The following SYNJ2 variants were observed in gnomAD, a reference collection of about 807,000 sequenced individuals.
The protein encoded by SYNJ2 is polyphosphatidylinositol phosphatase SYNJ2.
A neutral mutation model predicts 141.3 loss-of-function variants in SYNJ2; 116 were observed. The ratio of observed to expected loss-of-function variants is 0.82; its 90% CI spans 0.71 to 0.96. The LOEUF (loss-of-function observed/expected upper bound fraction) is 0.96, where lower values mean the gene tolerates loss of function less well. Among genes scored for constraint, SYNJ2 ranks in the 40% least tolerant of loss-of-function variants. The pLI, the probability that SYNJ2 is intolerant of heterozygous loss-of-function variation, is 0.00. For missense variants in SYNJ2, 1,873 were observed against 1,934.8 expected, an observed-to-expected ratio of 0.97 and a Z score of 0.60; for synonymous variants, 745 against 777.7, an observed-to-expected ratio of 0.96 and a Z score of 0.70.
intron 1 of SYNJ2, among the ~76,000 whole-genome samples, chr6:157,990,708 C>T (rs1391229998): frequency 1.3e-5 from 2 of 152,240 alleles, no homozygotes; most frequent in Non-Finnish European, 2.9e-5. Context: ...GTTTCTCACC[C>T]CTGCTGCTGG....
In SYNJ2 at chr6:157,982,128, G is replaced by A; in HGVS notation, c.127+40G>A. The A allele has an allele frequency of 7.8e-7, 1 of 1,286,272 alleles. No individual in the cohort carries two copies. The highest frequency in any genetic ancestry group is 9.8e-7 in the Non-Finnish European group (1 of 1,015,878). 79.7% of individuals were successfully genotyped at this position (1,286,272 alleles called of 1,614,324 possible). A position where few individuals can be genotyped will look rare whatever the true frequency, so the allele number is the denominator to read the frequency against. The stretch of plus-strand genomic sequence containing the variant: ...GGGGCAGCGACGCCCGGAGGAGAGG[G>A]CGCCCGCATTCGCCCAGCCTCGGGA... On this transcript the variant is annotated intron_variant, in intron 1 of 26. Coordinates refer to ENST00000355585, the MANE Select transcript of SYNJ2 (RefSeq NM_003898.4). The surrounding 1 kb of genome is among the most constrained non-coding windows in gnomAD (Gnocchi z 4.0).
At chr6:158,017,140 G>A (rs1778493879) in intron 1 of SYNJ2, 64 bp from the exon 2 acceptor site, 3 of 1,566,606 alleles carry the variant, frequency 1.9e-6, no homozygotes, top group South Asian at 1.2e-5. Context: ...CAAGCCGGGT[G>A]TGAATGAACA....
intron 1 of SYNJ2, among the ~76,000 whole-genome samples, chr6:158,003,360 G>C (rs930364600): frequency 3.3e-5 from 5 of 152,198 alleles, no homozygotes; most frequent in African/African-American, 1.2e-4. Context: ...TTAGCAACCA[G>C]CTGCAGCCTT....
At chr6:158,063,180 C>A (rs1781329509) in intron 8 of SYNJ2, among the ~76,000 whole-genome samples, 1 of 152,112 alleles carries the variant, frequency 6.6e-6, no homozygotes, top group African/African-American at 2.4e-5. Context: ...GTGTTCATGT[C>A]CAATTCAGTG....
intron 2 of SYNJ2, among the ~76,000 whole-genome samples, chr6:158,020,794 C>A (rs984265129): frequency 6.6e-6 from 1 of 152,226 alleles, no homozygotes; most frequent in Non-Finnish European, 1.5e-5. Context: ...AGCATCTCTG[C>A]GCAAAGAAAG....
At chr6:158,034,061 G>A (rs1008733520) in intron 4 of SYNJ2, among the ~76,000 whole-genome samples, 1 of 152,118 alleles carries the variant, frequency 6.6e-6, no homozygotes. Context: ...TACAATGGGG[G>A]GATGAAAGAA....
chr6:158,020,519 A>G (rs542510298), intron 2 of SYNJ2, among the ~76,000 whole-genome samples: 2 of 147,622 alleles, frequency 1.4e-5, no homozygotes, highest in Non-Finnish European at 3.0e-5. Context: ...TGTGACTCCA[A>G]CTGTGTACTG....
intron 1 of SYNJ2, among the ~76,000 whole-genome samples, chr6:158,003,276 G>A (rs1250181140): frequency 6.6e-6 from 1 of 152,214 alleles, no homozygotes; most frequent in Non-Finnish European, 1.5e-5. Context: ...TTAGCGGGCT[G>A]ATGTGTGTCT....
At chr6:158,017,156 G>A (rs1778494760) in intron 1 of SYNJ2, 48 bp from the exon 2 acceptor site, 2 of 1,601,364 alleles carry the variant, frequency 1.2e-6, no homozygotes, top group African/African-American at 1.3e-5. Context: ...GAACAGGAAT[G>A]AGCAGGAGAC....
At chr6:158,031,499 A>G (rs1329756255) in intron 3 of SYNJ2, among the ~76,000 whole-genome samples, 1 of 152,232 alleles carries the variant, frequency 6.6e-6, no homozygotes, top group African/African-American at 2.4e-5. Context: ...CCTCAGCTGT[A>G]ACACGCCAGG....
At chr6:158,052,425 A>G (rs1029686017) in intron 5 of SYNJ2, among the ~76,000 whole-genome samples, 28 of 152,224 alleles carry the variant, frequency 1.8e-4, no homozygotes, top group African/African-American at 6.5e-4. Flanking sequence ...GAGGCTGGGT[A>G]ATTTATAAAG....
intron 1 of SYNJ2, among the ~76,000 whole-genome samples, chr6:158,010,101 G>T (rs527403274): frequency 2.3e-4 from 35 of 152,174 alleles, no homozygotes; most frequent in African/African-American, 8.2e-4. Context: ...AAGAATTTTT[G>T]TAGGGATGGA....
chr6:158,033,877 CCTTT>C (rs1404129574), intron 4 of SYNJ2, among the ~76,000 whole-genome samples, 197 bp downstream of exon 4: 1 of 152,196 alleles, frequency 6.6e-6, no homozygotes, highest in East Asian at 1.9e-4. Flanking sequence ...CATGGTGTAT[CCTTT>C]CTGATTCACA....
intron 18 of SYNJ2, 90 bp from the exon 19 acceptor site, chr6:158,081,019 C>T: frequency 8.3e-7 from 1 of 1,201,904 alleles, no homozygotes; most frequent in Non-Finnish European, 1.2e-6. Context: ...GAGATGTGGA[C>T]ATCTGTCCCA....
chr6:158,075,515 C>T (rs1782224332), intron 16 of SYNJ2, among the ~76,000 whole-genome samples: 1 of 151,902 alleles, frequency 6.6e-6, no homozygotes, highest in Non-Finnish European at 1.5e-5. Flanking sequence ...GTGGCAGGCG[C>T]CTGTAATCCC....
intron 2 of SYNJ2, among the ~76,000 whole-genome samples, chr6:158,022,238 C>T (rs1778814900): frequency 6.6e-6 from 1 of 152,148 alleles, no homozygotes; most frequent in South Asian, 2.1e-4. Flanking sequence ...AGCAGAGGGA[C>T]AGATAGGATG....
At chr6:157,984,492 C>T (rs564011472) in intron 1 of SYNJ2, among the ~76,000 whole-genome samples, 29 of 152,230 alleles carry the variant, frequency 1.9e-4, no homozygotes, top group African/African-American at 6.5e-4. Flanking sequence ...CCGCCACCCC[C>T]ACCTGGGTTC....
At position 158,039,402 on chromosome 6, in the gene SYNJ2, G is replaced by T. The variant is rs544404227; in HGVS notation, c.712-3914G>T. Among the ~76,000 whole-genome samples the T allele has an allele frequency of 1.6e-3, 249 of 152,364 alleles. 2 individuals are homozygous for T. The Middle Eastern group carries it at 0.024, about 15-fold the overall frequency. ...GGTCCTTGCTGAGCTCAGGGAAGCA[G>T]CCCCGTGAGGATCGGGCTGCGTGGT... On this transcript the variant is annotated intron_variant, in intron 4 of 26. Transcript: ENST00000355585.
At chr6:157,986,495 G>A (rs1349339106) in intron 1 of SYNJ2, among the ~76,000 whole-genome samples, 1 of 152,092 alleles carries the variant, frequency 6.6e-6, no homozygotes, top group Non-Finnish European at 1.5e-5. Context: ...CACCACGCCC[G>A]GCTAATATTT....
Sources: allele counts gnomAD v4.1 joint callset (sites outside exome capture counted in the v4.1 genomes callset), GRCh38; gene constraint gnomAD v4.1.1; non-coding constraint Gnocchi (gnomAD v3.1); transcripts MANE v1.5; gene names NCBI Gene and HGNC (gene_info 2026-07-23, HGNC 2026-07-21).